Variants in HSDL1 observed in about 807,000 individuals in gnomAD.
The protein encoded by HSDL1 is inactive hydroxysteroid dehydrogenase-like protein 1.
HSDL1 carries 29 observed loss-of-function variants against 31.5 expected under a neutral mutation model. The ratio of observed to expected loss-of-function variants is 0.92; its 90% CI spans 0.69 to 1.26. The LOEUF (loss-of-function observed/expected upper bound fraction) is 1.26, where lower values mean the gene tolerates loss of function less well. Among genes scored for constraint, HSDL1 ranks in the 50% most tolerant of loss-of-function variants. The probability of loss-of-function intolerance (pLI) is 0.00; values close to 1 mark genes in which losing one functional copy is unlikely to be tolerated. For missense variants in HSDL1, 503 were observed against 416.6 expected, an observed-to-expected ratio of 1.21 and a Z score of -1.81; for synonymous variants, 222 against 155.2, an observed-to-expected ratio of 1.43 and a Z score of -3.20.
At chr16:84,126,732 ACACC>A (rs2086610301) in intron 5 of HSDL1, among the ~76,000 whole-genome samples, 1 of 134,620 alleles carries the variant, frequency 7.4e-6, no homozygotes, top group African/African-American at 2.6e-5. Context: ...GGACACACCC[ACACC>A]CACACACACA....
In HSDL1 at chr16:84,123,921, C is replaced by T. The variant is rs76671818; in HGVS notation, c.*709G>A. 1 of 152,164 alleles carries T rather than the reference C, an allele frequency of 6.6e-6. No individual in the cohort carries two copies. The highest frequency in any genetic ancestry group is 2.4e-5 in the African/African-American group (1 of 41,416). The allele number at this position is 152,164 out of a possible 1,614,324, so 9.4% of individuals were successfully genotyped here. On this transcript the variant is annotated 3_prime_UTR_variant, in exon 6 of 6. Transcript: ENST00000219439. ...AATATCATTCATGGCAAACCAACAG[C>T]ATGAAATTTGGTAGGCTTATTTAGG... is the stretch of plus-strand genomic sequence containing the variant.
At chr16:84,141,339 T>TG (rs1170056611) in intron 1 of HSDL1, among the ~76,000 whole-genome samples, 1 of 152,094 alleles carries the variant, frequency 6.6e-6, no homozygotes, top group Non-Finnish European at 1.5e-5. Flanking sequence ...CAGGTCCCCC[T>TG]GCTGCTGGTT....
At position 84,124,603 on chromosome 16, in the gene HSDL1, C is replaced by G. The variant is rs766784525; in HGVS notation, c.*27G>C. 2.0e-6 allele frequency: 3 copies of G among 1,498,562 alleles called. No homozygotes were observed. The highest frequency in any genetic ancestry group is 1.1e-5 in the South Asian group (1 of 88,362). The allele number at this position is 1,498,562 out of a possible 1,614,324, so 92.8% of individuals were successfully genotyped here. A position where few individuals can be genotyped will look rare whatever the true frequency, so the allele number is the denominator to read the frequency against. On this transcript the variant is annotated 3_prime_UTR_variant, in exon 6 of 6. Transcript: ENST00000219439. ...GAATATCGAGGTTCCCAGGAGTTGG[C>G]AAAACTTCTCAAGTGGCCATCCAGA...
intron 2 of HSDL1, 142 bp from the exon 3 acceptor site, chr16:84,131,469 G>A: frequency 1.6e-6 from 1 of 632,028 alleles, no homozygotes; most frequent in Non-Finnish European, 2.9e-6. Context: ...AAATGTACGT[G>A]GCTCACAGTT....
At chr16:84,135,390 G>A (rs1438753202) in intron 2 of HSDL1, among the ~76,000 whole-genome samples, 154 bp downstream of exon 2, 2 of 152,142 alleles carry the variant, frequency 1.3e-5, no homozygotes, top group African/African-American at 4.8e-5. Context: ...CATGCCTCAT[G>A]GAGGAACCCA....
chr16:84,131,106 G>A lies in HSDL1; in HGVS notation c.216C>T (p.Val72=). ...LIKQYGRWAV[V]SGATDGIGKA... ...TTTGATTATAAAGTAGGTTACCGCT[G>A]ACAACGGCCCATCTTCCATACTGCT... Residue 72 remains valine (V), a synonymous_variant, in exon 3 of 6, where the codon GTC becomes GTT. Transcript: ENST00000219439. The A allele has an allele frequency of 1.2e-6, 2 of 1,605,588 alleles. No individual in the cohort carries two copies. The highest frequency in any genetic ancestry group is 1.7e-6 in the Non-Finnish European group (2 of 1,173,140).
chr16:84,133,919 C>G lies in HSDL1; in HGVS notation c.-7+1625G>C, dbSNP rs557340400. Among the ~76,000 whole-genome samples the G allele has an allele frequency of 1.3e-4, 20 of 152,182 alleles. No individual in the cohort carries two copies. The South Asian group carries it at 2.7e-3, about 21-fold the overall frequency. ...ATAAACCAAATACTTAAGCTAAAAACAACTAAAATAAATGCTCCTTTGGGG... is the reference window on the plus strand; with the variant it reads ...ATAAACCAAATACTTAAGCTAAAAAGAACTAAAATAAATGCTCCTTTGGGG... On this transcript the variant is annotated intron_variant, in intron 2 of 5. Transcript: ENST00000219439.
At chr16:84,143,924 G>A (rs2086801032) in intron 1 of HSDL1, among the ~76,000 whole-genome samples, 1 of 152,016 alleles carries the variant, frequency 6.6e-6, no homozygotes, top group East Asian at 1.9e-4. Context: ...AATCACTTGG[G>A]CCCGGGGTGC....
At chr16:84,126,722 G>C (rs1366531076) in intron 5 of HSDL1, among the ~76,000 whole-genome samples, 1 of 143,812 alleles carries the variant, frequency 7.0e-6, no homozygotes, top group Non-Finnish European at 1.6e-5. Flanking sequence ...TCTCCAGGGA[G>C]GACACACCCA....
At chr16:84,129,191 C>G (rs1310157117) in intron 5 of HSDL1, among the ~76,000 whole-genome samples, 1 of 151,968 alleles carries the variant, frequency 6.6e-6, no homozygotes, top group African/African-American at 2.4e-5. Context: ...ACCATCCTGG[C>G]TAACACGGTG....
At position 84,124,714 on chromosome 16, in the gene HSDL1, C is replaced by G. The variant is rs757530928; in HGVS notation, c.909G>C (p.Gln303His). 1 of 1,612,928 alleles carries G rather than the reference C, an allele frequency of 6.2e-7. No individual in the cohort carries two copies. Residue 303 changes from glutamine to histidine, a missense_variant, in exon 6 of 6, where the codon CAG (glutamine) becomes CAC (histidine). Gln to His is a conservative substitution (Grantham distance 24). Coordinates refer to ENST00000219439, the MANE Select transcript of HSDL1 (RefSeq NM_031463.5). ...ACACCCAGAGCCATTCAGGCATATA[C>G]TGTGCAAAAAGAAACTAAAAATGAA... is the stretch of plus-strand genomic sequence containing the variant. ...WSHSIQFLFA[Q>H]YMPEWLWVWG...
intron 1 of HSDL1, among the ~76,000 whole-genome samples, 190 bp downstream of exon 1, chr16:84,144,890 A>G (rs1437322384): frequency 1.3e-5 from 2 of 151,292 alleles, no homozygotes; most frequent in African/African-American, 4.9e-5. Flanking sequence ...CGGAGGGACG[A>G]AGATTTCCTG....
chr16:84,144,672 G>A (rs547506235), intron 1 of HSDL1, among the ~76,000 whole-genome samples: 1 of 152,036 alleles, frequency 6.6e-6, no homozygotes, highest in South Asian at 2.1e-4. Flanking sequence ...CTCGGGGGAG[G>A]AGCCGGGTGA....
At chr16:84,137,812 T>G (rs2086726082) in intron 1 of HSDL1, among the ~76,000 whole-genome samples, 8 of 152,236 alleles carry the variant, frequency 5.3e-5, no homozygotes. Flanking sequence ...CACTGAAACT[T>G]TCAAAGGAAT....
intron 1 of HSDL1, among the ~76,000 whole-genome samples, chr16:84,141,677 C>A (rs2086770731): frequency 6.6e-6 from 1 of 152,230 alleles, no homozygotes; most frequent in Non-Finnish European, 1.5e-5. Flanking sequence ...CAAAGCTTCA[C>A]CTTCTGCCAA....
At chr16:84,144,869 GTC>G (rs1234666445) in intron 1 of HSDL1, among the ~76,000 whole-genome samples, 1 of 151,342 alleles carries the variant, frequency 6.6e-6, no homozygotes. Flanking sequence ...GAAGGAAGGA[GTC>G]TCACGGGACG....
intron 2 of HSDL1, among the ~76,000 whole-genome samples, chr16:84,133,556 C>G (rs1279972778): frequency 6.6e-6 from 1 of 152,160 alleles, no homozygotes; most frequent in African/African-American, 2.4e-5. Flanking sequence ...ATGGTGAAAC[C>G]TCGTCTCTAT....
Position 84,123,994 on chromosome 16 carries a change from G to C in HSDL1, c.*636C>G, listed in dbSNP as rs1186361572. On this transcript the variant is annotated 3_prime_UTR_variant, in exon 6 of 6. Transcript: ENST00000219439. ...GTTTTAATACCCTATAAGAGTCCAT[G>C]TTAAGTCACCCTGACAAAAAATCTT... 2 of 152,444 alleles carry C rather than the reference G, an allele frequency of 1.3e-5. No homozygotes were observed. The highest frequency in any genetic ancestry group is 2.1e-4 in the South Asian group (1 of 4,840). The allele number at this position is 152,444 out of a possible 1,614,324, so 9.4% of individuals were successfully genotyped here. A position where few individuals can be genotyped will look rare whatever the true frequency, so the allele number is the denominator to read the frequency against.
intron 1 of HSDL1, among the ~76,000 whole-genome samples, chr16:84,143,033 C>G (rs2086782629): frequency 6.6e-6 from 1 of 152,210 alleles, no homozygotes; most frequent in South Asian, 2.1e-4. Flanking sequence ...AGATCCAACA[C>G]TCTTCACCAT....
Sources: allele counts gnomAD v4.1 joint callset (sites outside exome capture counted in the v4.1 genomes callset), GRCh38; gene constraint gnomAD v4.1.1; transcripts MANE v1.5; gene names NCBI Gene and HGNC (gene_info 2026-07-23, HGNC 2026-07-21).